Variants in NF1 observed in about 807,000 individuals in gnomAD.
NF1 encodes neurofibromin 1.
In NF1, 122 loss-of-function variants were observed where a neutral mutation model predicts 325.7. That is an observed-to-expected ratio of 0.37 (90% CI 0.32 to 0.44). NF1 has a LOEUF of 0.44. Among genes scored for constraint, NF1 ranks in the 20% least tolerant of loss-of-function variants. The pLI is 1.00. For synonymous variants in NF1, 1,091 were observed against 1,186.0 expected (o/e 0.92, Z 1.65); for missense variants, 2,140 against 3,415.4 (o/e 0.63, Z 9.31).
rs2069376025 is a variant in NF1 at position 31,327,534 on chromosome 17, G to C, written c.5304G>C (p.Glu1768Asp). Residue 1768 changes from glutamate to aspartate, a missense_variant, in exon 38 of 58, where the codon GAG (glutamate) becomes GAC (aspartate). Transcript: ENST00000358273. Reference protein sequence around the residue: ...GSTAVQVTSAERTKVLGQSVF... With the variant: ...GSTAVQVTSADRTKVLGQSVF... ...CTGCTGTCCAAGTAACTTCAGCAGAGCGAACAAAAGTCCTAGGGCAATCAG... is the reference window on the plus strand; with the variant it reads ...CTGCTGTCCAAGTAACTTCAGCAGACCGAACAAAAGTCCTAGGGCAATCAG... 6.2e-7 allele frequency: 1 copy of C among 1,613,990 alleles called. No individual in the cohort carries two copies. Among genetic ancestry groups the C allele is most frequent in the Non-Finnish European group, 8.5e-7 (1 of 1,180,038 alleles).
rs547293714 is a variant in NF1 at position 31,235,706 on chromosome 17, A to T, written c.3804A>T (p.Ala1268=). The T allele has an allele frequency of 6.2e-7, 1 of 1,614,132 alleles. No individual in the cohort carries two copies. Among genetic ancestry groups the T allele is most frequent in the South Asian group, 1.1e-5 (1 of 91,084 alleles). The change falls in exon 28 of 58, where the codon GCA becomes GCT. Residue 1268 remains alanine (A), a synonymous_variant. Transcript: ENST00000358273. ...WNMFSKEVEL[A]DSMQTLFRGN... ...TGTTTTCTAAAGAAGTAGAATTGGC[A>T]GACTCCATGCAGACTCTCTTCCGAG...
rs1010591670 is a variant in NF1 at position 31,376,076 on chromosome 17, T to C, written c.*1921T>C. 3.9e-5 allele frequency: 9 copies of C among 232,832 alleles called. No homozygotes were observed. The highest frequency in any genetic ancestry group is 2.0e-4 in the African/African-American group (9 of 45,324). The allele number at this position is 232,832 out of a possible 1,614,324, so 14.4% of individuals were successfully genotyped here. ...TATAAAAAAGCTGAAATTAGAACTG[T>C]GTTTAGAAATAGATCAGTAACCCAG... On this transcript the variant is annotated 3_prime_UTR_variant, in exon 58 of 58. Coordinates refer to ENST00000358273, the MANE Select transcript of NF1 (RefSeq NM_001042492.3).
chr17:31,258,646 C>T, intron 32 of NF1, 144 bp downstream of exon 32: 3 of 888,690 alleles, frequency 3.4e-6, no homozygotes, highest in Non-Finnish European at 5.1e-6. Flanking sequence ...GTTTATATTA[C>T]AAAGGAATTC....
intron 1 of NF1, among the ~76,000 whole-genome samples, chr17:31,117,453 A>T (rs1194479813): frequency 2.6e-5 from 4 of 150,962 alleles, no homozygotes; most frequent in African/African-American, 9.7e-5. Context: ...CAGGTGGATC[A>T]TGAGGTCAGG....
At chr17:31,186,142 G>A (rs191967671) in intron 8 of NF1, among the ~76,000 whole-genome samples, 2 of 152,186 alleles carry the variant, frequency 1.3e-5, no homozygotes, top group African/African-American at 2.4e-5. Flanking sequence ...ACACGATCGG[G>A]CTCAAGCAGG....
rs571825747 is a variant in NF1 at position 31,336,276 on chromosome 17, A to C, written c.6007-57A>C. 4.2e-4 allele frequency: 666 copies of C among 1,573,982 alleles called. 1 individual carries two copies. Among genetic ancestry groups the C allele is most frequent in the South Asian group, 5.0e-4 (44 of 88,440 alleles). ...AGGCTGTTCCAATGAATATTTTTTA[A>C]TTAAAAATTAAATTGGTAGAGTGAT... On this transcript the variant is annotated intron_variant, in intron 40 of 57. Transcript: ENST00000358273. This position sits in a 1 kb window ranked among gnomAD's most constrained non-coding sequence, Gnocchi z 5.5.
intron 43 of NF1, 112 bp downstream of exon 43, chr17:31,337,694 A>G (rs967505949): frequency 2.1e-6 from 3 of 1,400,852 alleles, no homozygotes; most frequent in African/African-American, 1.4e-5. Context: ...TAATGCTTAA[A>G]TAAAAACACT....
chr17:31,150,910 C>T (rs1035803920), intron 1 of NF1, among the ~76,000 whole-genome samples: 9 of 152,012 alleles, frequency 5.9e-5, no homozygotes, highest in Non-Finnish European at 2.9e-5. Context: ...TGGTGCATGC[C>T]TTTAATCCCA....
chr17:31,119,195 C>T (rs1284965132), intron 1 of NF1, among the ~76,000 whole-genome samples: 2 of 152,126 alleles, frequency 1.3e-5, no homozygotes, highest in Admixed American at 6.6e-5. Flanking sequence ...CCCGCCTCGG[C>T]CTCCCAAAGT....
intron 36 of NF1, chr17:31,305,715 G>T: frequency 8.7e-7 from 1 of 1,151,756 alleles, no homozygotes; most frequent in Non-Finnish European, 1.2e-6. Flanking sequence ...TATGATTCCT[G>T]GCATAAAGTA....
intron 4 of NF1, among the ~76,000 whole-genome samples, chr17:31,168,545 T>C (rs2065881464): frequency 6.6e-6 from 1 of 152,214 alleles, no homozygotes; most frequent in Non-Finnish European, 1.5e-5. Context: ...TTCACCTTGC[T>C]CTCCATTTTT....
At position 31,151,732 on chromosome 17, in the gene NF1, C is replaced by T. The variant is rs569645323; in HGVS notation, c.61-4251C>T. Reference sequence around the variant, plus strand: ...TACACTATTATTTAGGGAATAATGACGAAAAGTCTGTACCTGTTCAGTACA... The same window carrying T: ...TACACTATTATTTAGGGAATAATGATGAAAAGTCTGTACCTGTTCAGTACA... On this transcript the variant is annotated intron_variant, in intron 1 of 57. Coordinates refer to ENST00000358273, the MANE Select transcript of NF1 (RefSeq NM_001042492.3). 1.1e-4 allele frequency among the ~76,000 whole-genome samples: 17 copies of T among 152,142 alleles called. No individual in the cohort carries two copies. The East Asian group carries it at 1.7e-3, about 16-fold the overall frequency.
intron 12 of NF1, among the ~76,000 whole-genome samples, chr17:31,212,353 C>T (rs894397387): frequency 1.7e-4 from 26 of 152,154 alleles, no homozygotes; most frequent in African/African-American, 6.3e-4. Flanking sequence ...ACTGAAGGAC[C>T]TTCTGAGGCT....
At chr17:31,103,826 TA>T (rs943917970) in intron 1 of NF1, among the ~76,000 whole-genome samples, 38 of 143,834 alleles carry the variant, frequency 2.6e-4, no homozygotes, top group Admixed American at 1.4e-3. Flanking sequence ...AAAAAACAAA[TA>T]AAAAAAAAAT....
intron 1 of NF1, among the ~76,000 whole-genome samples, chr17:31,108,262 GTTTTTTTTTTTTTTTTT>G (rs56180844): frequency 1.2e-5 from 1 of 82,522 alleles, no homozygotes; most frequent in Admixed American, 1.5e-4. Flanking sequence ...AAAGTAGAGA[GTTTTTTTTTTTTTTTTT>G]TTTTTTTTTT....
At chr17:31,147,407 T>C (rs1916654908) in intron 1 of NF1, among the ~76,000 whole-genome samples, 1 of 152,264 alleles carries the variant, frequency 6.6e-6, no homozygotes, top group African/African-American at 2.4e-5. Context: ...CTGTATATTT[T>C]TTCATGGTAT....
chr17:31,317,518 T>C (rs533327074), intron 36 of NF1: 1 of 152,180 alleles, frequency 6.6e-6, no homozygotes, highest in South Asian at 2.1e-4. Flanking sequence ...TGAATATTAT[T>C]AATCATAAAC....
intron 33 of NF1, among the ~76,000 whole-genome samples, chr17:31,259,939 T>C (rs771476814): frequency 6.6e-6 from 1 of 152,214 alleles, no homozygotes; most frequent in Non-Finnish European, 1.5e-5. Flanking sequence ...CAAGCCATGT[T>C]GGAAAGAGAG....
At chr17:31,160,070 A>G (rs1052673056) in intron 3 of NF1, among the ~76,000 whole-genome samples, 4 of 152,138 alleles carry the variant, frequency 2.6e-5, no homozygotes, top group African/African-American at 7.2e-5. Flanking sequence ...AAGCGAAAAA[A>G]TGTAAGCATA....
Sources: gnomAD v4.1 joint callset for allele counts (sites outside exome capture counted in the v4.1 genomes callset) on GRCh38, gnomAD v4.1.1 for gene constraint, Gnocchi (gnomAD v3.1) non-coding constraint, MANE v1.5 for transcripts, NCBI Gene and HGNC (gene_info 2026-07-23, HGNC 2026-07-21) for gene names.